Variants in RANBP2 observed in about 807,000 individuals in gnomAD.
The protein encoded by RANBP2 is RAN binding protein 2, also known as E3 SUMO-protein ligase RanBP2.
A neutral mutation model predicts 303.6 loss-of-function variants in RANBP2; 57 were observed. That is an observed-to-expected ratio of 0.19 (90% CI 0.15 to 0.23). RANBP2 has a LOEUF of 0.23. Ranked by LOEUF, RANBP2 falls within the 10% of genes least tolerant of loss-of-function variation. The probability of loss-of-function intolerance (pLI) is 1.00; values close to 1 mark genes in which losing one functional copy is unlikely to be tolerated. For missense variants in RANBP2, 3,138 were observed against 3,780.8 expected (o/e 0.83, Z 4.46); for synonymous variants, 1,167 against 1,301.5 (o/e 0.90, Z 2.23).
chr2:109,272,215 C>G, the RANBP2 span, among the ~76,000 whole-genome samples: 1 of 152,228 alleles, frequency 6.6e-6, no homozygotes, highest in African/African-American at 2.4e-5. Flanking sequence ...TGTCTGACAG[C>G]CTTTTTCCTA....
the RANBP2 span, among the ~76,000 whole-genome samples, chr2:108,797,017 T>C: frequency 6.6e-6 from 1 of 152,190 alleles, no homozygotes; most frequent in Non-Finnish European, 1.5e-5. Flanking sequence ...GTAATAGATA[T>C]CCCCATCACC....
At chr2:109,324,890 C>A in the RANBP2 span, among the ~76,000 whole-genome samples, 1 of 152,194 alleles carries the variant, frequency 6.6e-6, no homozygotes, top group Non-Finnish European at 1.5e-5. Context: ...CTGGAAGGAA[C>A]GGTGGAGCTG....
chr2:109,715,951 G>A, the RANBP2 span, among the ~76,000 whole-genome samples: 1 of 152,260 alleles, frequency 6.6e-6, no homozygotes, highest in East Asian at 1.9e-4. Flanking sequence ...TTTCTAACTA[G>A]GGCAAGTAGT....
the RANBP2 span, among the ~76,000 whole-genome samples, chr2:109,307,234 C>G: frequency 3.3e-5 from 5 of 152,134 alleles, no homozygotes; most frequent in African/African-American, 1.2e-4. Flanking sequence ...TACCTTTTTG[C>G]ACATTGGACT....
chr2:109,614,698 C>T, the RANBP2 span: 1 of 1,488,560 alleles, frequency 6.7e-7, no homozygotes, highest in Non-Finnish European at 8.9e-7. Context: ...CGCGTCGATC[C>T]CGCCGACGGC....
chr2:109,199,200 A>T, the RANBP2 span, among the ~76,000 whole-genome samples: 2 of 152,074 alleles, frequency 1.3e-5, no homozygotes, highest in African/African-American at 2.4e-5. Flanking sequence ...TGTACGAAAA[A>T]TACAAAAAAT....
chr2:109,436,278 A>G, the RANBP2 span, among the ~76,000 whole-genome samples: 1 of 152,238 alleles, frequency 6.6e-6, no homozygotes, highest in African/African-American at 2.4e-5. Flanking sequence ...GATTAATTGC[A>G]AATACACAGA....
At chr2:109,649,256 G>C in the RANBP2 span, among the ~76,000 whole-genome samples, 1 of 152,138 alleles carries the variant, frequency 6.6e-6, no homozygotes, top group Non-Finnish European at 1.5e-5. Context: ...ATAGTGGTTT[G>C]ATTGGCTCCA....
At chr2:109,693,019 G>T in the RANBP2 span, among the ~76,000 whole-genome samples, 1 of 151,678 alleles carries the variant, frequency 6.6e-6, no homozygotes, top group Admixed American at 6.6e-5. Flanking sequence ...TGGAATTCAG[G>T]CACAGCTTAC....
At chr2:109,540,246 G>A in the RANBP2 span, among the ~76,000 whole-genome samples, 29 of 152,210 alleles carry the variant, frequency 1.9e-4, no homozygotes, top group African/African-American at 6.3e-4. Flanking sequence ...TTCCCCGGGT[G>A]CACTGTTTTA....
chr2:109,202,452 A>G, the RANBP2 span, among the ~76,000 whole-genome samples: 1 of 152,346 alleles, frequency 6.6e-6, no homozygotes, highest in East Asian at 1.9e-4. Context: ...TACAATTACA[A>G]TTACACAGTA....
chr2:108,760,467 T>C (rs1676646996), intron 18 of RANBP2, among the ~76,000 whole-genome samples: 1 of 152,186 alleles, frequency 6.6e-6, no homozygotes, highest in Non-Finnish European at 1.5e-5. Flanking sequence ...GTTTCTGGTT[T>C]ATGCCATTAC....
the RANBP2 span, among the ~76,000 whole-genome samples, chr2:109,631,548 G>C: frequency 7.9e-5 from 12 of 152,226 alleles, no homozygotes; most frequent in South Asian, 1.9e-3. Flanking sequence ...CTGAGGTCAG[G>C]AGTTCGAGAC....
chr2:108,907,597 G>A, the RANBP2 span, among the ~76,000 whole-genome samples: 170 of 151,854 alleles, frequency 1.1e-3, no homozygotes, highest in African/African-American at 3.1e-3. Flanking sequence ...GTAGTGAGCC[G>A]AGATCGCACC....
chr2:109,712,398 C>T, the RANBP2 span, among the ~76,000 whole-genome samples: 1 of 152,132 alleles, frequency 6.6e-6, no homozygotes, highest in Non-Finnish European at 1.5e-5. Flanking sequence ...GCATTTTTGC[C>T]TTCCTGGGCC....
At chr2:108,931,170 G>A in the RANBP2 span, 1 of 754,330 alleles carries the variant, frequency 1.3e-6, no homozygotes, top group Non-Finnish European at 2.3e-6. Flanking sequence ...AAGAAAAGCA[G>A]ACATGAAGCT....
the RANBP2 span, chr2:109,568,108 C>T: frequency 4.6e-5 from 30 of 645,262 alleles, no homozygotes; most frequent in African/African-American, 9.1e-5. Context: ...TGGCAAACTA[C>T]GGTCCATCTC....
At chr2:108,782,072 T>G in intron 26 of RANBP2, 56 bp from the exon 27 acceptor site, 1 of 1,582,144 alleles carries the variant, frequency 6.3e-7, no homozygotes, top group Non-Finnish European at 8.6e-7. Context: ...CTTTGAAATT[T>G]GTCATGGAAT....
At chr2:108,862,359 C>T in the RANBP2 span, among the ~76,000 whole-genome samples, 1 of 152,118 alleles carries the variant, frequency 6.6e-6, no homozygotes, top group Non-Finnish European at 1.5e-5. Flanking sequence ...TGCAGAGCTT[C>T]CTCAGGGATC....
Sources: gnomAD v4.1 joint callset for allele counts (sites outside exome capture counted in the v4.1 genomes callset) on GRCh38, gnomAD v4.1.1 for gene constraint, MANE v1.5 for transcripts, NCBI Gene and HGNC (gene_info 2026-07-23, HGNC 2026-07-21) for gene names.